HDX: variants seen among roughly 807,000 people sequenced by gnomAD.
HDX encodes chromosome X open reading frame 43.
HDX carries 19 observed loss-of-function variants against 45.2 expected under a neutral mutation model. The ratio of observed to expected loss-of-function variants is 0.42; its 90% CI spans 0.29 to 0.62. HDX has a LOEUF of 0.62. HDX is among the 20% of genes least tolerant of loss of function. The pLI is 0.20. For missense variants in HDX, 532 were observed against 493.9 expected (o/e 1.08, Z -0.73); for synonymous variants, 188 against 172.8 (o/e 1.09, Z -0.69).
intron 5 of HDX, among the ~76,000 whole-genome samples, chrX:84,422,959 T>G (rs55940001): frequency 0.11 from 12,447 of 110,040 alleles, 624 homozygotes; most frequent in South Asian, 0.29. Context: ...TTAAAAGTTG[T>G]TTTTTTGAAA....
chrX:84,442,865 T>C (rs2039791960), intron 4 of HDX, among the ~76,000 whole-genome samples: 1 of 111,340 alleles, frequency 9.0e-6, no homozygotes, highest in African/African-American at 3.2e-5. Context: ...TTTAAACCAG[T>C]AACTGCTAAA....
rs2040418481 is a variant in HDX at position 84,469,566 on chromosome X, C to T, written c.157G>A (p.Gly53Ser). Residue 53 changes from glycine to serine, a missense_variant, in exon 4 of 11, where the codon GGC becomes AGC. This residue lies in a region of HDX where 376 missense variants were observed against 343.7 expected (regional missense o/e 1.09). Coordinates refer to ENST00000373177, the MANE Select transcript of HDX (RefSeq NM_001177479.2). ...LDFSVVRTWV[G>S]NKRRKMSSKN... Reference sequence around the variant, plus strand: ...CTACTCATCTTTCTTCTCTTATTGCCAACCCACGTCTGGAAGGATAAAACA... The same window carrying T: ...CTACTCATCTTTCTTCTCTTATTGCTAACCCACGTCTGGAAGGATAAAACA... The T allele has an allele frequency of 8.5e-7, 1 of 1,176,062 alleles. No individual in the cohort carries two copies. Among genetic ancestry groups the T allele is most frequent in the Non-Finnish European group, 1.1e-6 (1 of 877,837 alleles).
chrX:84,354,136 A>G (rs1450505036), intron 6 of HDX, among the ~76,000 whole-genome samples: 2 of 111,829 alleles, frequency 1.8e-5, no homozygotes, highest in African/African-American at 6.5e-5. Flanking sequence ...CAAAATTAGG[A>G]AAATAATTTC....
In HDX at chrX:84,392,514, T is replaced by C. The variant is rs761350927; in HGVS notation, c.1306-30902A>G. 9.0e-5 allele frequency among the ~76,000 whole-genome samples: 10 copies of C among 111,530 alleles called. No individual in the cohort carries two copies. The East Asian group carries it at 2.8e-3, about 31-fold the overall frequency. The stretch of plus-strand genomic sequence containing the variant: ...TTGTTGATTGCTTTGGGCAGTATAA[T>C]AATTTTAATGATCTAAATGATTTCA... On this transcript the variant is annotated intron_variant, in intron 5 of 10. Coordinates refer to ENST00000373177, the MANE Select transcript of HDX (RefSeq NM_001177479.2).
chrX:84,322,341 A>G (rs1219270112), intron 10 of HDX, among the ~76,000 whole-genome samples: 1 of 111,126 alleles, frequency 9.0e-6, no homozygotes, highest in Non-Finnish European at 1.9e-5. Flanking sequence ...TTGAGTGTGC[A>G]TTGATCACTG....
chrX:84,459,500 T>C (rs1182627160), intron 4 of HDX, among the ~76,000 whole-genome samples: 1 of 104,190 alleles, frequency 9.6e-6, no homozygotes, highest in East Asian at 3.0e-4. Flanking sequence ...TCAAAACAAA[T>C]GAAAATGATA....
rs762073258 is a variant in HDX, at chrX:84,360,570, C to T, written c.1452+896G>A. Among the ~76,000 whole-genome samples the T allele has an allele frequency of 2.6e-3, 289 of 110,792 alleles. 2 individuals are homozygous for T. The highest frequency in any genetic ancestry group is 9.1e-3 in the African/African-American group (279 of 30,562). On this transcript the variant is annotated intron_variant, in intron 6 of 10. Coordinates refer to ENST00000373177, the MANE Select transcript of HDX (RefSeq NM_001177479.2). ...ATCCCATGCATATTAACAGTCAGGTCCCATCCCTCCCCTCCCTCAGCTCTT... is the reference window on the plus strand; with the variant it reads ...ATCCCATGCATATTAACAGTCAGGTTCCATCCCTCCCCTCCCTCAGCTCTT...
chrX:84,338,541 T>A (rs2037016874), intron 7 of HDX, among the ~76,000 whole-genome samples: 1 of 110,709 alleles, frequency 9.0e-6, no homozygotes, highest in East Asian at 2.9e-4. Context: ...GCATATTAGA[T>A]CTTTTGACTT....
Position 84,361,650 on chromosome X carries a change from G to C in HDX, c.1306-38C>G, listed in dbSNP as rs373257188. On this transcript the variant is annotated intron_variant, in intron 5 of 10. Coordinates refer to ENST00000373177, the MANE Select transcript of HDX (RefSeq NM_001177479.2). ...TTTTTAAATTGTTTTGAATTTTAAAGTTTAGAATAATCAAAGGAAATAATA... is the reference window on the plus strand; with the variant it reads ...TTTTTAAATTGTTTTGAATTTTAAACTTTAGAATAATCAAAGGAAATAATA... The C allele has an allele frequency of 8.3e-5, 87 of 1,046,557 alleles. No homozygotes were observed. The African/African-American group carries it at 1.4e-3, about 17-fold the overall frequency. The allele number at this position is 1,046,557 out of a possible 1,213,427, so 86.2% of individuals were successfully genotyped here. A position where few individuals can be genotyped will look rare whatever the true frequency, so the allele number is the denominator to read the frequency against.
At chrX:84,498,615 A>C (rs2041057791) in intron 1 of HDX, among the ~76,000 whole-genome samples, 3 of 111,929 alleles carry the variant, frequency 2.7e-5, no homozygotes, top group African/African-American at 9.7e-5. Context: ...TTCCCTCTGG[A>C]AGTATGATAC....
chrX:84,389,642 C>T (rs1277293217), intron 5 of HDX, among the ~76,000 whole-genome samples: 1 of 111,552 alleles, frequency 9.0e-6, no homozygotes, highest in Non-Finnish European at 1.9e-5. Flanking sequence ...CTGCGCTGTG[C>T]AGAATAGACA....
At position 84,319,845 on chromosome X, in the gene HDX, C is replaced by A. The variant is rs2036565323; in HGVS notation, c.*2044G>T. ...AGAAATCCAATGTCCAGCACAGTGT[C>A]TTCTCTATAGCAGGAGCTCAACAAG... On this transcript the variant is annotated 3_prime_UTR_variant, in exon 11 of 11. Coordinates refer to ENST00000373177, the MANE Select transcript of HDX (RefSeq NM_001177479.2). 2 of 111,295 alleles carry A rather than the reference C, an allele frequency of 1.8e-5. No individual in the cohort carries two copies. The highest frequency in any genetic ancestry group is 3.8e-5 in the Non-Finnish European group (2 of 52,578). The allele number at this position is 111,295 out of a possible 1,213,427, so 9.2% of individuals were successfully genotyped here.
intron 5 of HDX, among the ~76,000 whole-genome samples, chrX:84,414,340 G>T (rs754962970): frequency 9.0e-6 from 1 of 111,441 alleles, no homozygotes; most frequent in Admixed American, 9.6e-5. Context: ...ATCAAGCAAG[G>T]TTGGCAAACA....
intron 5 of HDX, among the ~76,000 whole-genome samples, chrX:84,386,685 TC>T: frequency 9.0e-6 from 1 of 111,232 alleles, no homozygotes; most frequent in Non-Finnish European, 1.9e-5. Flanking sequence ...TTCTGTGGGA[TC>T]AGTTGTAATG....
chrX:84,449,260 A>C (rs1406771133), intron 4 of HDX, among the ~76,000 whole-genome samples: 4 of 111,879 alleles, frequency 3.6e-5, no homozygotes, highest in Non-Finnish European at 5.6e-5. Flanking sequence ...TTAAATAATG[A>C]CTGAAAACTT....
At chrX:84,374,548 G>T (rs761961788) in intron 5 of HDX, among the ~76,000 whole-genome samples, 121 of 51,467 alleles carry the variant, frequency 2.4e-3, no homozygotes, top group African/African-American at 0.014. Flanking sequence ...CATGGGACTG[G>T]TACCAAAACA....
intron 3 of HDX, among the ~76,000 whole-genome samples, chrX:84,472,020 TA>T (rs932259348): frequency 5.1e-4 from 56 of 109,855 alleles, no homozygotes; most frequent in African/African-American, 1.6e-3. Context: ...GCATTACATT[TA>T]AAAAAAATTA....
chrX:84,480,534 A>C (rs1023160952), intron 2 of HDX, among the ~76,000 whole-genome samples: 1 of 111,079 alleles, frequency 9.0e-6, no homozygotes, highest in African/African-American at 3.3e-5. Flanking sequence ...TGTTTATTAA[A>C]CTGAGTTCTT....
intron 4 of HDX, among the ~76,000 whole-genome samples, chrX:84,459,691 T>C (rs947204417): frequency 9.2e-6 from 1 of 108,503 alleles, no homozygotes; most frequent in Non-Finnish European, 1.9e-5. Context: ...AAAATAAAAA[T>C]CAGAGCAGAA....
Sources: gnomAD v4.1 joint callset for allele counts (sites outside exome capture counted in the v4.1 genomes callset) on GRCh38, gnomAD v4.1.1 for gene constraint, gnomAD v4.1.1 regional missense constraint, MANE v1.5 for transcripts, NCBI Gene and HGNC (gene_info 2026-07-23, HGNC 2026-07-21) for gene names.